The following SYNPR variants were observed in gnomAD, a reference collection of about 807,000 sequenced individuals.
SYNPR encodes the protein synaptoporin.
In SYNPR, 23 loss-of-function variants were observed where a neutral mutation model predicts 32.9. The observed-to-expected ratio is 0.70, with a 90% CI of 0.50 to 0.99. The LOEUF (loss-of-function observed/expected upper bound fraction) is 0.99. SYNPR is among the 50% of genes least tolerant of loss of function. The pLI, the probability that SYNPR is intolerant of heterozygous loss-of-function variation, is 0.00. For synonymous variants in SYNPR, 146 were observed against 135.9 expected, an observed-to-expected ratio of 1.07 and a Z score of -0.52; for missense variants, 318 against 349.3, an observed-to-expected ratio of 0.91 and a Z score of 0.71.
chr3:63,222,447 A>G, the SYNPR span, among the ~76,000 whole-genome samples: 1 of 151,998 alleles, frequency 6.6e-6, no homozygotes. Flanking sequence ...TGTAATGGGG[A>G]GTATATGGGG....
At chr3:63,203,663 C>T in the SYNPR span, among the ~76,000 whole-genome samples, 1 of 152,158 alleles carries the variant, frequency 6.6e-6, no homozygotes, top group Non-Finnish European at 1.5e-5. Flanking sequence ...GAATCTGATC[C>T]TCTCACATGC....
At chr3:63,378,354 G>C (rs2087920589) in intron 2 of SYNPR, among the ~76,000 whole-genome samples, 1 of 151,738 alleles carries the variant, frequency 6.6e-6, no homozygotes, top group South Asian at 2.1e-4. Flanking sequence ...TTTAGATTGG[G>C]GTTCATTTTT....
rs557281716 is a variant in SYNPR, at chr3:63,301,096, T to C, written c.84+22354T>C. 3.9e-5 allele frequency among the ~76,000 whole-genome samples: 6 copies of C among 152,284 alleles called. No homozygotes were observed. The East Asian group carries it at 1.2e-3, about 29-fold the overall frequency. On this transcript the variant is annotated intron_variant, in intron 2 of 5. Transcript: ENST00000478300. Reference sequence around the variant, plus strand: ...TCTTTCTTCCCCTACTTTTGAGTCATGTCATCTTACATCTCTTTCTGAGCT... The same window carrying C: ...TCTTTCTTCCCCTACTTTTGAGTCACGTCATCTTACATCTCTTTCTGAGCT...
At position 63,498,366 on chromosome 3, in the gene SYNPR, T is replaced by C. The variant is rs144285546; in HGVS notation, c.209+17410T>C. On this transcript the variant is annotated intron_variant, in intron 3 of 5. Coordinates refer to ENST00000478300, the MANE Select transcript of SYNPR (RefSeq NM_001130003.2). ...GCCGGGAATCCAGTGGAGAGCAAGATTGATTGGGGCCTTCTCATGGAGCTT... is the reference window on the plus strand; with the variant it reads ...GCCGGGAATCCAGTGGAGAGCAAGACTGATTGGGGCCTTCTCATGGAGCTT... Among the ~76,000 whole-genome samples the C allele has an allele frequency of 5.3e-5, 8 of 152,056 alleles. No homozygotes were observed. The East Asian group carries it at 1.6e-3, about 30-fold the overall frequency.
At chr3:63,577,131 C>T (rs1702999055) in intron 4 of SYNPR, among the ~76,000 whole-genome samples, 1 of 152,160 alleles carries the variant, frequency 6.6e-6, no homozygotes, top group African/African-American at 2.4e-5. Context: ...GATGGCTATG[C>T]AAATACAATT....
intron 1 of SYNPR, among the ~76,000 whole-genome samples, chr3:63,240,116 T>A (rs1176063444): frequency 6.6e-6 from 1 of 152,124 alleles, no homozygotes; most frequent in Non-Finnish European, 1.5e-5. Context: ...TTACTCCTCA[T>A]GAGTTTTGTT....
intron 4 of SYNPR, among the ~76,000 whole-genome samples, chr3:63,586,001 A>AT (rs1703176930): frequency 6.6e-6 from 1 of 151,972 alleles, no homozygotes; most frequent in African/African-American, 2.4e-5. Context: ...CAAATGCAAT[A>AT]TTTTTTTCTC....
At chr3:63,509,792 C>A (rs1701660163) in intron 3 of SYNPR, among the ~76,000 whole-genome samples, 1 of 152,086 alleles carries the variant, frequency 6.6e-6, no homozygotes, top group African/African-American at 2.4e-5. Context: ...AAAAACTTAG[C>A]ATGGTATCTT....
At chr3:63,211,056 G>A in the SYNPR span, among the ~76,000 whole-genome samples, 1 of 152,078 alleles carries the variant, frequency 6.6e-6, no homozygotes, top group Non-Finnish European at 1.5e-5. Flanking sequence ...TAGGCTGTTG[G>A]GAAAGGTACC....
At chr3:63,274,883 G>A (rs1179574486), upstream of SYNPR, among the ~76,000 whole-genome samples, 1 of 152,202 alleles carries the variant, frequency 6.6e-6, no homozygotes, top group East Asian at 1.9e-4. Flanking sequence ...ATTGTTACAT[G>A]TTTTCCAGTG....
In SYNPR at chr3:63,235,044, C is replaced by T. The variant is rs529886341; in HGVS notation, n.66+6664C>T. ...TTCAGGACACTGATATTGATACCAT[C>T]TACTTATCAAGATTTTCCCTGTTTT... On this transcript the variant is annotated intron_variant and non_coding_transcript_variant, in intron 1 of 4. Transcript: ENST00000478456. 2.0e-5 allele frequency among the ~76,000 whole-genome samples: 3 copies of T among 152,286 alleles called. No homozygotes were observed. The South Asian group carries it at 6.2e-4, about 32-fold the overall frequency.
At chr3:63,542,378 C>G (rs1259377160) in intron 3 of SYNPR, among the ~76,000 whole-genome samples, 1 of 152,042 alleles carries the variant, frequency 6.6e-6, no homozygotes, top group African/African-American at 2.4e-5. Flanking sequence ...GTTGGGGATA[C>G]TAAGATAAGT....
At chr3:63,417,902 G>T (rs1575633959) in intron 2 of SYNPR, among the ~76,000 whole-genome samples, 1 of 152,172 alleles carries the variant, frequency 6.6e-6, no homozygotes, top group South Asian at 2.1e-4. Context: ...GTGATGGGAG[G>T]GGCTGCTGTG....
intron 2 of SYNPR, among the ~76,000 whole-genome samples, chr3:63,308,334 T>C (rs916701580): frequency 2.0e-5 from 3 of 151,998 alleles, no homozygotes; most frequent in Non-Finnish European, 4.4e-5. Flanking sequence ...TTTATTGACT[T>C]AGACATATTT....
At chr3:63,303,960 A>T (rs191646677) in intron 2 of SYNPR, among the ~76,000 whole-genome samples, 18 of 152,128 alleles carry the variant, frequency 1.2e-4, no homozygotes, top group Non-Finnish European at 2.2e-4. Context: ...GGCTAAAATC[A>T]TACTGTTGCC....
At chr3:63,294,719 C>A (rs2086775875) in intron 2 of SYNPR, among the ~76,000 whole-genome samples, 2 of 151,994 alleles carry the variant, frequency 1.3e-5, no homozygotes, top group African/African-American at 4.8e-5. Context: ...TGTTATAAAT[C>A]TTTCATAAGC....
At chr3:63,505,806 T>C (rs949696045) in intron 3 of SYNPR, among the ~76,000 whole-genome samples, 5 of 152,164 alleles carry the variant, frequency 3.3e-5, no homozygotes, top group Non-Finnish European at 7.3e-5. Flanking sequence ...TGATTTTCAT[T>C]CCAATTGGCT....
chr3:63,331,976 T>C (rs1273972768), intron 2 of SYNPR, among the ~76,000 whole-genome samples: 1 of 152,188 alleles, frequency 6.6e-6, no homozygotes, highest in African/African-American at 2.4e-5. Flanking sequence ...TTAAAAACAG[T>C]TGCTTTATGA....
chr3:63,373,340 G>A (rs1343626022), intron 2 of SYNPR, among the ~76,000 whole-genome samples: 1 of 152,198 alleles, frequency 6.6e-6, no homozygotes, highest in East Asian at 1.9e-4. Flanking sequence ...ACAATAAAAT[G>A]ATATAAAAGC....
Sources: allele counts gnomAD v4.1 joint callset (sites outside exome capture counted in the v4.1 genomes callset), GRCh38; gene constraint gnomAD v4.1.1; transcripts MANE v1.5; gene names NCBI Gene and HGNC (gene_info 2026-07-23, HGNC 2026-07-21).